Variants in CCDC181 observed in about 807,000 individuals in gnomAD.
The protein encoded by CCDC181 is coiled-coil domain containing 181.
CCDC181 carries 35 observed loss-of-function variants against 58.7 expected under a neutral mutation model. That is an observed-to-expected ratio of 0.60 (90% confidence interval 0.46 to 0.79). The LOEUF is 0.79. CCDC181 is among the 30% of genes least tolerant of loss of function. The pLI is 0.00. For synonymous variants in CCDC181, 183 were observed against 197.5 expected, an observed-to-expected ratio of 0.93 and a Z score of 0.62; for missense variants, 517 against 583.9, an observed-to-expected ratio of 0.89 and a Z score of 1.18.
intron 4 of CCDC181, among the ~76,000 whole-genome samples, chr1:169,399,147 G>A (rs1280220099): frequency 6.6e-6 from 1 of 152,182 alleles, no homozygotes; most frequent in Non-Finnish European, 1.5e-5. Flanking sequence ...GGGGGTTTCT[G>A]AGCATAAGTG....
chr1:169,402,871 A>G (rs1336645343), intron 4 of CCDC181, among the ~76,000 whole-genome samples: 1 of 152,168 alleles, frequency 6.6e-6, no homozygotes, highest in African/African-American at 2.4e-5. Context: ...CACATTGGAT[A>G]AAGAGTCAAG....
At chr1:169,447,862 C>T (rs1161267696) in intron 2 of CCDC181, among the ~76,000 whole-genome samples, 1 of 152,078 alleles carries the variant, frequency 6.6e-6, no homozygotes, top group Admixed American at 6.6e-5. Context: ...CTTTTTCCAT[C>T]CCTTTAATCT....
chr1:169,438,403 C>A (rs545144901), intron 2 of CCDC181, among the ~76,000 whole-genome samples: 77 of 152,148 alleles, frequency 5.1e-4, no homozygotes, highest in Non-Finnish European at 8.8e-4. Context: ...TTTTTGATGA[C>A]CCTGCTTGCT....
rs775306099 is a variant in CCDC181 at position 169,424,843 on chromosome 1, CATTA to C, written c.81_84del (p.Ile27MetfsTer10). 2 of 1,600,866 alleles carry C rather than the reference CATTA, an allele frequency of 1.2e-6. No individual in the cohort carries two copies. Among genetic ancestry groups the C allele is most frequent in the Non-Finnish European group, 1.7e-6 (2 of 1,171,264 alleles). The stretch of plus-strand genomic sequence containing the variant: ...ATGCTGGCATCACTTTTTTCATTTT[CATTA>C]ATTAACCACTCCAGGTCCTTTTCAA... On this transcript the variant is annotated frameshift_variant, in exon 2 of 6. Coordinates refer to ENST00000367806, the MANE Select transcript of CCDC181 (RefSeq NM_001300969.2). LOFTEE classifies it high-confidence loss of function.
Position 169,422,102 on chromosome 1 carries a change from T to C in CCDC181, c.329A>G (p.Glu110Gly), listed in dbSNP as rs771323947. 1.4e-5 allele frequency: 22 copies of C among 1,613,322 alleles called. No individual in the cohort carries two copies. The East Asian group carries it at 4.9e-4, about 36-fold the overall frequency. ...TTCCTCCTCCAAGTCTTTCTGGCTT[T>C]CTAGTTTGGATTCCTGGAAAGAGTT... Reference protein sequence around the residue: ...SENSFQESKLESQKDLEEEED... With the variant: ...SENSFQESKLGSQKDLEEEED... Residue 110 changes from glutamate to glycine, a missense_variant, in exon 3 of 6, where the codon GAA becomes GGA. Transcript: ENST00000367806.
At chr1:169,437,866 G>A (rs1464448046) in intron 2 of CCDC181, among the ~76,000 whole-genome samples, 1 of 152,176 alleles carries the variant, frequency 6.6e-6, no homozygotes, top group Non-Finnish European at 1.5e-5. Context: ...AGTTTTAAAA[G>A]TAAACATTTG....
intron 4 of CCDC181, among the ~76,000 whole-genome samples, chr1:169,407,607 AATAATT>A (rs2102060288): frequency 6.6e-6 from 1 of 152,360 alleles, no homozygotes; most frequent in South Asian, 2.1e-4. Flanking sequence ...ACTATCGATC[AATAATT>A]ATAATTAAAT....
intron 5 of CCDC181, 89 bp downstream of exon 5, chr1:169,397,148 G>T (rs1361408471): frequency 1.1e-5 from 13 of 1,136,876 alleles, no homozygotes; most frequent in African/African-American, 1.6e-5. Flanking sequence ...CATTTTGAGG[G>T]TTTTTTTTTT....
intron 2 of CCDC181, among the ~76,000 whole-genome samples, chr1:169,447,273 C>T (rs1657403113): frequency 2.0e-5 from 3 of 152,092 alleles, no homozygotes; most frequent in African/African-American, 7.2e-5. Flanking sequence ...CCATCACACC[C>T]AGATAATTTT....
At chr1:169,410,506 A>G (rs1571476978) in intron 4 of CCDC181, among the ~76,000 whole-genome samples, 1 of 152,342 alleles carries the variant, frequency 6.6e-6, no homozygotes, top group East Asian at 1.9e-4. Context: ...TAACAAGGAT[A>G]TTCAGGACTT....
chr1:169,443,400 C>T (rs970348363), intron 2 of CCDC181: 26 of 151,878 alleles, frequency 1.7e-4, no homozygotes, highest in African/African-American at 6.0e-4. Context: ...GTCTTGTGAT[C>T]GACCTTAACT....
chr1:169,412,549 A>C (rs1268997297), intron 4 of CCDC181, among the ~76,000 whole-genome samples: 1 of 152,230 alleles, frequency 6.6e-6, no homozygotes, highest in Non-Finnish European at 1.5e-5. Context: ...GGAACAAAAA[A>C]AGAGCCTGCA....
chr1:169,399,672 T>C (rs1050230125), intron 4 of CCDC181, among the ~76,000 whole-genome samples: 4 of 152,216 alleles, frequency 2.6e-5, no homozygotes, highest in African/African-American at 9.7e-5. Context: ...AATGACTGAA[T>C]TGGAGACTTT....
chr1:169,448,307 T>C (rs554468910), intron 2 of CCDC181, among the ~76,000 whole-genome samples: 1 of 152,290 alleles, frequency 6.6e-6, no homozygotes, highest in South Asian at 2.1e-4. Context: ...ACTAAGTTTC[T>C]GACCTATGTC....
chr1:169,418,174 G>A (rs1255723652), intron 4 of CCDC181, among the ~76,000 whole-genome samples: 2 of 152,172 alleles, frequency 1.3e-5, no homozygotes, highest in African/African-American at 4.8e-5. Context: ...TTCTCCTACA[G>A]ATTACTGATG....
chr1:169,408,589 G>A (rs867167839), intron 4 of CCDC181, among the ~76,000 whole-genome samples: 5 of 152,156 alleles, frequency 3.3e-5, no homozygotes, highest in African/African-American at 4.8e-5. Flanking sequence ...TAACCCCCGC[G>A]CCTCCTGACT....
In CCDC181 at chr1:169,397,249, C is replaced by T. The variant is rs1288132537; in HGVS notation, c.1358G>A (p.Arg453Lys). ...FFLKGTEGRE[R>K]AFKQWLRRKR... ...GCCTTTAACTTACTGTTTAAAGGCC[C>T]TTTCCCGGCCTTCTGTTCCTTTAAG... is the stretch of plus-strand genomic sequence containing the variant. Residue 453 changes from arginine to lysine, a missense_variant, in exon 5 of 6, where the codon AGG becomes AAG. Physicochemically the swap from Arg to Lys is conservative, Grantham distance 26. Transcript: ENST00000367806. 3.8e-6 allele frequency: 6 copies of T among 1,598,944 alleles called. No homozygotes were observed. The highest frequency in any genetic ancestry group is 5.1e-6 in the Non-Finnish European group (6 of 1,174,000).
chr1:169,450,340 A>G (rs187088594), intron 2 of CCDC181, among the ~76,000 whole-genome samples: 1 of 152,242 alleles, frequency 6.6e-6, no homozygotes, highest in African/African-American at 2.4e-5. Context: ...ATGTCTCCCA[A>G]CTGAAACTAT....
At chr1:169,451,914 G>A (rs895017546) in intron 2 of CCDC181, among the ~76,000 whole-genome samples, 3 of 152,116 alleles carry the variant, frequency 2.0e-5, no homozygotes, top group South Asian at 2.1e-4. Context: ...ACCAGAACTC[G>A]ATAAGTTGTT....
Sources: gnomAD v4.1 joint callset for allele counts (sites outside exome capture counted in the v4.1 genomes callset) on GRCh38, gnomAD v4.1.1 for gene constraint, MANE v1.5 for transcripts, NCBI Gene and HGNC (gene_info 2026-07-23, HGNC 2026-07-21) for gene names.